Variants in TMEM221 observed in about 807,000 individuals in gnomAD.
TMEM221 encodes the protein Putative transmembrane protein ENSP00000342162.
A neutral mutation model predicts 10.2 loss-of-function variants in TMEM221; 11 were observed. That is an observed-to-expected ratio of 1.08 (90% confidence interval 0.68 to 1.79). TMEM221 has a LOEUF of 1.79. Ranked by LOEUF, TMEM221 falls within the 40% of genes most tolerant of loss-of-function variation. The probability of loss-of-function intolerance (pLI) is 0.00; values close to 1 mark genes in which losing one functional copy is unlikely to be tolerated. For synonymous variants in TMEM221, 172 were observed against 199.8 expected, an observed-to-expected ratio of 0.86 and a Z score of 1.18; for missense variants, 382 against 417.7, an observed-to-expected ratio of 0.91 and a Z score of 0.75.
intron 2 of TMEM221, among the ~76,000 whole-genome samples, chr19:17,440,534 A>G (rs866885644): frequency 6.6e-6 from 1 of 152,126 alleles, no homozygotes; most frequent in Middle Eastern, 3.4e-3. Flanking sequence ...CTAAAATGGT[A>G]ATGTTTTTGT....
At chr19:17,445,685 TCCATTCATCCAC>T (rs1284444075) in intron 1 of TMEM221, among the ~76,000 whole-genome samples, 3 of 151,612 alleles carry the variant, frequency 2.0e-5, no homozygotes, top group Non-Finnish European at 4.4e-5. Context: ...TATCCATTCA[TCCATTCATCCAC>T]CCATTCATCC....
intron 2 of TMEM221, among the ~76,000 whole-genome samples, chr19:17,437,936 T>G (rs1287990292): frequency 7.1e-6 from 1 of 141,354 alleles, no homozygotes; most frequent in Admixed American, 7.0e-5. Context: ...TTTTTTTTTT[T>G]GAGACAGGGT....
chr19:17,443,979 CTT>C (rs143259849), intron 2 of TMEM221, among the ~76,000 whole-genome samples: 47,983 of 136,420 alleles, frequency 0.35, 8,480 homozygotes, highest in Middle Eastern at 0.49. Flanking sequence ...CTGGGGTATC[CTT>C]TTTTTTTTTT....
chr19:17,440,287 C>T (rs927459364), intron 2 of TMEM221, among the ~76,000 whole-genome samples: 7 of 139,062 alleles, frequency 5.0e-5, no homozygotes, highest in Admixed American at 1.5e-4. Flanking sequence ...AGTGCAGTGG[C>T]GCAATCTCGG....
At chr19:17,444,518 C>CTTTT (rs71162133) in intron 2 of TMEM221, among the ~76,000 whole-genome samples, 9 of 92,156 alleles carry the variant, frequency 9.8e-5, no homozygotes, top group African/African-American at 8.9e-5. Context: ...CATCCACGGG[C>CTTTT]TTTTTTTTTT....
In TMEM221 at chr19:17,448,162, G is replaced by A; in HGVS notation, c.301C>T (p.Arg101Trp). ...TCCTACCTCCTGGGGCCAGGCCCCC[G>A]CGCCAGCTCGGCGCCCAGGTGGCCA... is the stretch of plus-strand genomic sequence containing the variant. ...LCGHLGAELA[R>W]GPGPRRSDWF... Residue 101 changes from arginine to tryptophan, a missense_variant, in exon 1 of 3, where the codon CGG becomes TGG. Coordinates refer to ENST00000341130, the MANE Select transcript of TMEM221 (RefSeq NM_001190844.2). This position sits in a 1 kb window ranked among gnomAD's most constrained non-coding sequence, Gnocchi z 4.7. 1 of 1,424,404 alleles carries A rather than the reference G, an allele frequency of 7.0e-7. No homozygotes were observed. Among genetic ancestry groups the A allele is most frequent in the Non-Finnish European group, 9.2e-7 (1 of 1,092,024 alleles). 88.2% of individuals were successfully genotyped at this position (1,424,404 alleles called of 1,614,324 possible).
At chr19:17,439,922 G>A (rs1451451415) in intron 2 of TMEM221, among the ~76,000 whole-genome samples, 3 of 152,122 alleles carry the variant, frequency 2.0e-5, no homozygotes, top group Non-Finnish European at 4.4e-5. Context: ...GGGCGAGGTG[G>A]CTCACACCTG....
At chr19:17,440,064 A>G (rs1200088743) in intron 2 of TMEM221, among the ~76,000 whole-genome samples, 1 of 152,018 alleles carries the variant, frequency 6.6e-6, no homozygotes, top group African/African-American at 2.4e-5. Flanking sequence ...GTGCTTGCCT[A>G]CGGTCCCAGC....
chr19:17,438,583 T>C (rs1258612342), intron 2 of TMEM221, among the ~76,000 whole-genome samples: 1 of 149,600 alleles, frequency 6.7e-6, no homozygotes, highest in Non-Finnish European at 1.5e-5. Context: ...GAACAGGACC[T>C]ACCTGCTCTA....
chr19:17,447,907 A>C (rs1227710028), intron 1 of TMEM221, among the ~76,000 whole-genome samples: 1 of 152,190 alleles, frequency 6.6e-6, no homozygotes. Flanking sequence ...CATCTGCAAA[A>C]TGCGAGACAC....
chr19:17,441,001 A>G (rs981188376), intron 2 of TMEM221, among the ~76,000 whole-genome samples: 1 of 152,110 alleles, frequency 6.6e-6, no homozygotes, highest in Non-Finnish European at 1.5e-5. Context: ...TGAGGCCAGG[A>G]GTTTGAGACC....
At chr19:17,437,360 A>C (rs1386222622) in intron 2 of TMEM221, among the ~76,000 whole-genome samples, 1 of 152,218 alleles carries the variant, frequency 6.6e-6, no homozygotes, top group Non-Finnish European at 1.5e-5. Context: ...GGAGGATGAC[A>C]GCTGCAGGGA....
chr19:17,438,421 G>A (rs1489934735), intron 2 of TMEM221, among the ~76,000 whole-genome samples: 3 of 151,722 alleles, frequency 2.0e-5, no homozygotes, highest in African/African-American at 7.3e-5. Context: ...ACGGGGTTTC[G>A]CCTTGTTGCC....
intron 2 of TMEM221, among the ~76,000 whole-genome samples, chr19:17,440,721 C>T (rs1449296065): frequency 6.6e-6 from 1 of 151,996 alleles, no homozygotes; most frequent in Non-Finnish European, 1.5e-5. Flanking sequence ...CCAGAAACAC[C>T]CCCAGCAACT....
chr19:17,436,787 G>T lies in TMEM221; in HGVS notation c.547C>A (p.Leu183Ile), dbSNP rs1204076782. 2.6e-6 allele frequency: 4 copies of T among 1,518,592 alleles called. No homozygotes were observed. The highest frequency in any genetic ancestry group is 2.7e-5 in the African/African-American group (2 of 72,792). 94.1% of individuals were successfully genotyped at this position (1,518,592 alleles called of 1,614,324 possible). Residue 183 changes from leucine to isoleucine, a missense_variant, in exon 3 of 3, where the codon CTC becomes ATC. Physicochemically the swap from Leu to Ile is conservative, Grantham distance 5. Coordinates refer to ENST00000341130, the MANE Select transcript of TMEM221 (RefSeq NM_001190844.2). ...AAGGATGGCGGGGACAACTCATGGAGCCCACGGCGGGCAGCCCGGGCAGCC... is the reference window on the plus strand; with the variant it reads ...AAGGATGGCGGGGACAACTCATGGATCCCACGGCGGGCAGCCCGGGCAGCC... ...LRAARAARRG[L>I]HELSPPSFED... is the part of the protein sequence containing the mutation.
At position 17,436,863 on chromosome 19, in the gene TMEM221, G is replaced by C; in HGVS notation, c.471C>G (p.Leu157=). Residue 157 remains leucine, a synonymous_variant, in exon 3 of 3, where the codon CTC becomes CTG. Coordinates refer to ENST00000341130, the MANE Select transcript of TMEM221 (RefSeq NM_001190844.2). ...CCACCAGAACCAGGGTGCCCGAGCC[G>C]AGGATGGAAGCAGCTGCTGCGCCTG... The part of the protein sequence containing the change: ...IETGAAAASI[L]GSGTLVLVAV... The C allele has an allele frequency of 6.9e-7, 1 of 1,451,900 alleles. No homozygotes were observed. Among genetic ancestry groups the C allele is most frequent in the Non-Finnish European group, 9.1e-7 (1 of 1,104,552 alleles). 89.9% of individuals were successfully genotyped at this position (1,451,900 alleles called of 1,614,324 possible).
In TMEM221 at chr19:17,436,163, T is replaced by C. The variant is rs2074907206; in HGVS notation, c.*295A>G. The C allele has an allele frequency of 3.3e-6, 1 of 303,026 alleles. No homozygotes were observed. The highest frequency in any genetic ancestry group is 6.1e-6 in the Non-Finnish European group (1 of 164,898). 18.8% of individuals were successfully genotyped at this position (303,026 alleles called of 1,614,324 possible). On this transcript the variant is annotated 3_prime_UTR_variant, in exon 3 of 3. Transcript: ENST00000341130. Reference sequence around the variant, plus strand: ...TCCCAGCCTCCCCTGCAGCAAGGTATGGCCATTTCGCTCTGTTCTGGCCAG... The same window carrying C: ...TCCCAGCCTCCCCTGCAGCAAGGTACGGCCATTTCGCTCTGTTCTGGCCAG...
chr19:17,436,704 A>C lies in TMEM221; in HGVS notation c.630T>G (p.Pro210=), dbSNP rs1045512514. The C allele has an allele frequency of 4.4e-5, 68 of 1,533,388 alleles. No homozygotes were observed. In the Admixed American group the frequency reaches 1.3e-3, roughly 30 times the overall value. 95.0% of individuals were successfully genotyped at this position (1,533,388 alleles called of 1,614,324 possible). A position where few individuals can be genotyped will look rare whatever the true frequency, so the allele number is the denominator to read the frequency against. The change falls in exon 3 of 3, where the codon CCT becomes CCG. Residue 210 remains proline, a synonymous_variant. Coordinates refer to ENST00000341130, the MANE Select transcript of TMEM221 (RefSeq NM_001190844.2). ...GGGTCCGACGATGGATACCCTGCTG[A>C]GGCTGAGCTCTGGGGCTGGCCTTGG... ...EVSKASPRAQ[P]QQGIHRRTPY... is the part of the protein sequence containing the mutation.
intron 1 of TMEM221, among the ~76,000 whole-genome samples, chr19:17,446,242 A>G (rs1251194074): frequency 6.6e-6 from 1 of 152,002 alleles, no homozygotes; most frequent in Non-Finnish European, 1.5e-5. Context: ...ACTTCGATCC[A>G]TCCACCATCC....
Sources: gnomAD v4.1 joint callset for allele counts (sites outside exome capture counted in the v4.1 genomes callset) on GRCh38, gnomAD v4.1.1 for gene constraint, Gnocchi (gnomAD v3.1) non-coding constraint, MANE v1.5 for transcripts, NCBI Gene and HGNC (gene_info 2026-07-23, HGNC 2026-07-21) for gene names.